Variants in PTGER3 observed in about 807,000 individuals in gnomAD.
PTGER3 encodes prostaglandin E2 receptor EP3 subtype.
In PTGER3, 22 loss-of-function variants were observed where a neutral mutation model predicts 34.7. That is an observed-to-expected ratio of 0.63 (90% CI 0.45 to 0.91). The LOEUF (loss-of-function observed/expected upper bound fraction) is 0.91. Ranked by LOEUF, PTGER3 falls within the 40% of genes least tolerant of loss-of-function variation. The pLI, the probability that PTGER3 is intolerant of heterozygous loss-of-function variation, is 0.00. For missense variants in PTGER3, 468 were observed against 519.4 expected (o/e 0.90, Z 0.96); for synonymous variants, 241 against 230.1 (o/e 1.05, Z -0.43).
In PTGER3 at chr1:71,007,351, C is replaced by A. The variant is rs1657061933; in HGVS notation, c.1077+4954G>T. The stretch of plus-strand genomic sequence containing the variant: ...ACATTTGATAAGGAGAGCAAGAAGG[C>A]AAAGTATTTTTTTCTCTTTCAAGGA... On this transcript the variant is annotated intron_variant, in intron 2 of 3. Transcript: ENST00000306666. 1.7e-5 allele frequency: 17 copies of A among 985,480 alleles called. No individual in the cohort carries two copies. The South Asian group carries it at 6.6e-4, about 38-fold the overall frequency. 61.0% of individuals were successfully genotyped at this position (985,480 alleles called of 1,614,324 possible).
chr1:70,907,629 T>C (rs1372232018), intron 4 of PTGER3, among the ~76,000 whole-genome samples: 1 of 152,178 alleles, frequency 6.6e-6, no homozygotes, highest in East Asian at 1.9e-4. Context: ...CATCATGAAA[T>C]GAATGGTACT....
At chr1:70,942,770 A>T (rs912994175) in intron 4 of PTGER3, among the ~76,000 whole-genome samples, 3 of 152,164 alleles carry the variant, frequency 2.0e-5, no homozygotes, top group Admixed American at 2.0e-4. Context: ...GCCTTAATCC[A>T]ATTTGACTGG....
chr1:70,964,862 C>G (rs1652344793), intron 2 of PTGER3, among the ~76,000 whole-genome samples: 1 of 152,162 alleles, frequency 6.6e-6, no homozygotes, highest in African/African-American at 2.4e-5. Flanking sequence ...TTTGTTTGTA[C>G]CAGCTCTATG....
In PTGER3 at chr1:70,916,308, A is replaced by G. The variant is rs184104745; in HGVS notation, c.*23+37455T>C. 1.7e-3 allele frequency among the ~76,000 whole-genome samples: 252 copies of G among 152,176 alleles called. 1 individual carries two copies. Among genetic ancestry groups the G allele is most frequent in the African/African-American group, 5.7e-3 (239 of 41,578 alleles). On this transcript the variant is annotated intron_variant, in intron 4 of 4. Transcript: ENST00000370931. ...GGGAATGTAAGTTAGTTCAACCACC[A>G]TGGAAATCAGTTGGGAGATTTCTCA...
intron 4 of PTGER3, among the ~76,000 whole-genome samples, chr1:70,911,537 C>T (rs1433891348): frequency 6.6e-6 from 1 of 151,950 alleles, no homozygotes; most frequent in Non-Finnish European, 1.5e-5. Flanking sequence ...AAGTATTAAC[C>T]TTTAAATTAA....
chr1:71,031,172 T>C (rs989849297), intron 1 of PTGER3, among the ~76,000 whole-genome samples: 16 of 152,064 alleles, frequency 1.1e-4, no homozygotes, highest in African/African-American at 3.9e-4. Flanking sequence ...CTTTTATTTT[T>C]TGTGGCTCTC....
intron 1 of PTGER3, among the ~76,000 whole-genome samples, chr1:71,012,692 G>C (rs1028192314): frequency 5.9e-5 from 9 of 152,122 alleles, no homozygotes; most frequent in Admixed American, 5.9e-4. Context: ...TATTTATCAT[G>C]ATGTAGCTTT....
At chr1:71,041,020 C>T (rs1660267950) in intron 1 of PTGER3, among the ~76,000 whole-genome samples, 1 of 152,112 alleles carries the variant, frequency 6.6e-6, no homozygotes, top group African/African-American at 2.4e-5. Flanking sequence ...AGAGAGTTCC[C>T]ATGTTGTATG....
At chr1:70,897,553 T>C (rs11209709) in intron 4 of PTGER3, among the ~76,000 whole-genome samples, 2 of 151,870 alleles carry the variant, frequency 1.3e-5, no homozygotes, top group East Asian at 3.9e-4. Context: ...GTCTGCTGTT[T>C]CCATTCTATC....
intron 2 of PTGER3, chr1:71,011,335 TTTGGAATCAGTA>T: frequency 6.1e-6 from 6 of 985,244 alleles, no homozygotes; most frequent in Non-Finnish European, 6.0e-6. Flanking sequence ...ATTTATTTGT[TTTGGAATCAGTA>T]TTGGAATTTA....
intron 1 of PTGER3, among the ~76,000 whole-genome samples, chr1:71,026,139 T>G (rs1658905987): frequency 6.6e-6 from 1 of 152,142 alleles, no homozygotes; most frequent in African/African-American, 2.4e-5. Context: ...TAACATTATA[T>G]TCATTCATTT....
intron 4 of PTGER3, among the ~76,000 whole-genome samples, chr1:70,866,606 G>C (rs1398356337): frequency 1.3e-5 from 2 of 152,174 alleles, no homozygotes; most frequent in Non-Finnish European, 2.9e-5. Context: ...ATGTCTTGAA[G>C]ATCTGTGGCT....
At chr1:70,923,965 T>C (rs1192962283) in intron 4 of PTGER3, among the ~76,000 whole-genome samples, 3 of 152,182 alleles carry the variant, frequency 2.0e-5, no homozygotes, top group Non-Finnish European at 4.4e-5. Flanking sequence ...CAAATTTGAC[T>C]TGTAGAGCCA....
chr1:71,044,309 C>T (rs901644857), intron 1 of PTGER3, among the ~76,000 whole-genome samples: 6 of 150,854 alleles, frequency 4.0e-5, no homozygotes, highest in East Asian at 4.0e-4. Context: ...TGGTGGCGGG[C>T]GCCTGTAATC....
At chr1:70,854,092 C>A (rs1307721433) in intron 4 of PTGER3, among the ~76,000 whole-genome samples, 2 of 151,866 alleles carry the variant, frequency 1.3e-5, no homozygotes, top group Non-Finnish European at 2.9e-5. Context: ...ACACCAAAAC[C>A]ACAGGCAATA....
chr1:70,941,575 T>A (rs886634045), intron 4 of PTGER3, among the ~76,000 whole-genome samples: 1 of 152,204 alleles, frequency 6.6e-6, no homozygotes, highest in African/African-American at 2.4e-5. Context: ...AACCTCAGTA[T>A]GTTTTTAACT....
intron 4 of PTGER3, among the ~76,000 whole-genome samples, chr1:70,874,672 G>C (rs1646236761): frequency 6.6e-6 from 1 of 151,744 alleles, no homozygotes; most frequent in South Asian, 2.1e-4. Context: ...CTCTCCTTCT[G>C]TCTCTGTCTC....
intron 4 of PTGER3, among the ~76,000 whole-genome samples, chr1:70,877,216 T>C (rs1646291114): frequency 6.6e-6 from 1 of 152,148 alleles, no homozygotes; most frequent in African/African-American, 2.4e-5. Context: ...TTTTGTGGTG[T>C]TGTGAATGGG....
At chr1:70,937,149 T>A (rs1441006635) in intron 4 of PTGER3, among the ~76,000 whole-genome samples, 2 of 152,102 alleles carry the variant, frequency 1.3e-5, no homozygotes, top group Non-Finnish European at 2.9e-5. Context: ...CAGAGTAAGA[T>A]AGAGGGGAAT....
Sources: gnomAD v4.1 joint callset for allele counts (sites outside exome capture counted in the v4.1 genomes callset) on GRCh38, gnomAD v4.1.1 for gene constraint, MANE v1.5 for transcripts, NCBI Gene and HGNC (gene_info 2026-07-23, HGNC 2026-07-21) for gene names.